The following GPBP1 variants were observed in gnomAD, a reference collection of about 807,000 sequenced individuals.
The protein encoded by GPBP1 is vasculin.
GPBP1 carries 13 observed loss-of-function variants against 56.5 expected under a neutral mutation model. The ratio of observed to expected loss-of-function variants is 0.23; its 90% confidence interval spans 0.15 to 0.37. The LOEUF is 0.37. Among genes scored for constraint, GPBP1 ranks in the 10% least tolerant of loss-of-function variants. The pLI is 1.00. For missense variants in GPBP1, 477 were observed against 572.3 expected (o/e 0.83, Z 1.70); for synonymous variants, 204 against 188.9 (o/e 1.08, Z -0.66).
chr5:57,235,654 G>C (rs1756631377), intron 5 of GPBP1, among the ~76,000 whole-genome samples: 1 of 152,160 alleles, frequency 6.6e-6, no homozygotes. Context: ...TTTAATACAG[G>C]CTGAATGTCC....
At chr5:57,193,179 T>C (rs1056388614) in intron 2 of GPBP1, among the ~76,000 whole-genome samples, 1 of 151,966 alleles carries the variant, frequency 6.6e-6, no homozygotes, top group Non-Finnish European at 1.5e-5. Context: ...TAGCTGGGCA[T>C]GGTGGTGGGT....
chr5:57,194,870 T>G (rs1283006128), intron 2 of GPBP1, among the ~76,000 whole-genome samples: 1 of 152,218 alleles, frequency 6.6e-6, no homozygotes, highest in Non-Finnish European at 1.5e-5. Context: ...CATAGCCATA[T>G]ACATACCATG....
At chr5:57,241,949 A>G (rs1041377679) in intron 6 of GPBP1, among the ~76,000 whole-genome samples, 1 of 152,212 alleles carries the variant, frequency 6.6e-6, no homozygotes, top group African/African-American at 2.4e-5. Flanking sequence ...AGATGAGCCA[A>G]TTTTTAAATA....
chr5:57,244,925 A>G (rs1226839221), intron 6 of GPBP1, among the ~76,000 whole-genome samples: 1 of 151,888 alleles, frequency 6.6e-6, no homozygotes, highest in Non-Finnish European at 1.5e-5. Flanking sequence ...TTTAGTAGAG[A>G]CGGGGTTTCA....
intron 3 of GPBP1, 82 bp downstream of exon 3, chr5:57,214,275 A>G: frequency 8.4e-7 from 1 of 1,195,556 alleles, no homozygotes; most frequent in Non-Finnish European, 1.3e-6. Flanking sequence ...TGGAGGAGTA[A>G]TAATATCTTT....
intron 2 of GPBP1, 69 bp downstream of exon 2, chr5:57,176,469 A>G (rs572337270): frequency 2.5e-4 from 39 of 153,552 alleles, no homozygotes; most frequent in Non-Finnish European, 4.6e-4. Context: ...AGTTTATCCT[A>G]TGTTATTCTC....
chr5:57,226,611 G>A (rs183048237), intron 3 of GPBP1, among the ~76,000 whole-genome samples: 16 of 136,846 alleles, frequency 1.2e-4, no homozygotes, highest in Non-Finnish European at 2.1e-4. Context: ...TCAGGCTGGA[G>A]TGCAGTGGCG....
chr5:57,175,601 G>C lies in GPBP1; in HGVS notation c.-857G>C, dbSNP rs550251274. 2.5e-6 allele frequency: 1 copy of C among 397,372 alleles called. No homozygotes were observed. Among genetic ancestry groups the C allele is most frequent in the South Asian group, 1.3e-4 (1 of 7,452 alleles). The allele number at this position is 397,372 out of a possible 1,614,324, so 24.6% of individuals were successfully genotyped here. On this transcript the variant is annotated 5_prime_UTR_variant, in exon 2 of 12. Coordinates refer to ENST00000506184, the MANE Select transcript of GPBP1 (RefSeq NM_022913.4). ...GCAAGAATCGTCTGTGAAGTGAATT[G>C]ATAGTAGTGAACAATTCAGCAAGCT...
At chr5:57,186,249 A>G (rs750795981) in intron 2 of GPBP1, among the ~76,000 whole-genome samples, 6 of 151,988 alleles carry the variant, frequency 3.9e-5, no homozygotes, top group Non-Finnish European at 8.8e-5. Flanking sequence ...ATTTAAATTA[A>G]GTGGGCATGG....
At chr5:57,203,252 C>T (rs527266660) in intron 2 of GPBP1, among the ~76,000 whole-genome samples, 2 of 152,166 alleles carry the variant, frequency 1.3e-5, no homozygotes, top group African/African-American at 4.8e-5. Flanking sequence ...TACTTACATA[C>T]ATTTATAGCA....
intron 2 of GPBP1, among the ~76,000 whole-genome samples, chr5:57,185,970 A>G (rs1754268653): frequency 6.6e-6 from 1 of 152,032 alleles, no homozygotes; most frequent in Non-Finnish European, 1.5e-5. Flanking sequence ...AAAAAAGGCA[A>G]AAAAATTGGG....
intron 2 of GPBP1, among the ~76,000 whole-genome samples, chr5:57,198,025 A>G (rs1754842322): frequency 6.6e-6 from 1 of 151,770 alleles, no homozygotes; most frequent in Admixed American, 6.6e-5. Flanking sequence ...GTTTGAGAGA[A>G]TCTACCTTTC....
chr5:57,199,210 A>G (rs1209141733), intron 2 of GPBP1, among the ~76,000 whole-genome samples: 1 of 152,232 alleles, frequency 6.6e-6, no homozygotes, highest in Non-Finnish European at 1.5e-5. Context: ...TGTGAAGTAA[A>G]ACTAGCGATA....
At chr5:57,217,439 G>A (rs551842093) in intron 3 of GPBP1, among the ~76,000 whole-genome samples, 3 of 152,232 alleles carry the variant, frequency 2.0e-5, no homozygotes, top group African/African-American at 7.2e-5. Flanking sequence ...CGGTGTGGTG[G>A]TGCATACCTT....
intron 3 of GPBP1, among the ~76,000 whole-genome samples, chr5:57,219,634 C>A (rs963332644): frequency 6.6e-6 from 1 of 152,020 alleles, no homozygotes; most frequent in African/African-American, 2.4e-5. Flanking sequence ...TCAGCATTTT[C>A]CCCAGTCCTG....
Position 57,262,565 on chromosome 5 carries a change from A to G in GPBP1, c.1264-29A>G, listed in dbSNP as rs373048900. 6 of 1,530,680 alleles carry G rather than the reference A, an allele frequency of 3.9e-6. 1 individual carries two copies. In the South Asian group the frequency reaches 5.6e-5, roughly 14 times the overall value. The allele number at this position is 1,530,680 out of a possible 1,614,324, so 94.8% of individuals were successfully genotyped here. A position where few individuals can be genotyped will look rare whatever the true frequency, so the allele number is the denominator to read the frequency against. ...GTAGGTTTGTAACTCTTGAGGGATAATTTATTTATTTTGCTGTTAACATTT... is the reference window on the plus strand; with the variant it reads ...GTAGGTTTGTAACTCTTGAGGGATAGTTTATTTATTTTGCTGTTAACATTT... On this transcript the variant is annotated intron_variant, in intron 11 of 11. Transcript: ENST00000506184.
intron 9 of GPBP1, 85 bp from the exon 10 acceptor site, chr5:57,250,869 C>A: frequency 1.1e-6 from 1 of 902,708 alleles, no homozygotes; most frequent in Non-Finnish European, 1.6e-6. Context: ...TCAATGGAAG[C>A]TTAGTTAGGA....
chr5:57,176,065 A>G lies in GPBP1; in HGVS notation c.-393A>G. 2.5e-6 allele frequency: 1 copy of G among 398,478 alleles called. No homozygotes were observed. 24.7% of individuals were successfully genotyped at this position (398,478 alleles called of 1,614,324 possible). A position where few individuals can be genotyped will look rare whatever the true frequency, so the allele number is the denominator to read the frequency against. The stretch of plus-strand genomic sequence containing the variant: ...GCTGATGTTTAGGAATGCTCTTCAG[A>G]TGTGAAATTTTCTTTTTGTTTTTGC... On this transcript the variant is annotated 5_prime_UTR_variant, in exon 2 of 12. It removes an upstream start codon present in the reference 5' UTR. Transcript: ENST00000506184.
rs777090060 is a variant in GPBP1 at position 57,231,200 on chromosome 5, C to A, written c.290C>A (p.Ser97Tyr). 1.2e-6 allele frequency: 2 copies of A among 1,614,052 alleles called. No homozygotes were observed. Among genetic ancestry groups the A allele is most frequent in the South Asian group, 2.2e-5 (2 of 91,080 alleles). The change falls in exon 5 of 12, where the codon TCT becomes TAT. Residue 97 changes from serine (S) to tyrosine (Y), a missense_variant. Physicochemically the swap from Ser to Tyr is moderately radical, Grantham distance 144 (BLOSUM62 -2). Coordinates refer to ENST00000506184, the MANE Select transcript of GPBP1 (RefSeq NM_022913.4). ...RGGYHGGSSR[S>Y]RSSIFHAGKS... is the part of the protein sequence containing the mutation. The stretch of plus-strand genomic sequence containing the variant: ...GGATACCATGGTGGAAGTTCCCGTT[C>A]TCGTAGCAGTATTTTCCATGCAGGA...
Sources: allele counts gnomAD v4.1 joint callset (sites outside exome capture counted in the v4.1 genomes callset), GRCh38; gene constraint gnomAD v4.1.1; transcripts MANE v1.5; gene names NCBI Gene and HGNC (gene_info 2026-07-23, HGNC 2026-07-21).